The following USP54 variants were observed in gnomAD, a reference collection of about 807,000 sequenced individuals.
The protein encoded by USP54 is ubiquitin specific peptidase 54.
Under a neutral mutation model 170.5 loss-of-function variants are expected in USP54, and 87 were observed. The ratio of observed to expected loss-of-function variants is 0.51; its 90% CI spans 0.43 to 0.61. USP54 has a LOEUF of 0.61. Among genes scored for constraint, USP54 ranks in the 20% least tolerant of loss-of-function variants. USP54 has a pLI of 0.00. For synonymous variants in USP54, 655 were observed against 742.8 expected (o/e 0.88, Z 1.92); for missense variants, 1,786 against 2,047.8 (o/e 0.87, Z 2.47).
upstream of USP54, among the ~76,000 whole-genome samples, chr10:73,591,782 G>A (rs117458837): frequency 5.1e-4 from 78 of 152,120 alleles, no homozygotes; most frequent in Non-Finnish European, 1.0e-3. Context: ...AAAGGAGCAC[G>A]AGAAGACAAC....
At chr10:73,530,076 C>A (rs567049439) in intron 14 of USP54, 67 bp downstream of exon 14, 14 of 1,531,500 alleles carry the variant, frequency 9.1e-6, no homozygotes, top group Admixed American at 2.1e-5. Flanking sequence ...ACCAAAAAAC[C>A]CAGGTTTTAA....
intron 20 of USP54, among the ~76,000 whole-genome samples, chr10:73,510,692 A>G (rs1355988804): frequency 6.6e-6 from 1 of 152,044 alleles, no homozygotes; most frequent in Non-Finnish European, 1.5e-5. Context: ...CAAGTGATCC[A>G]TCCACTTTGG....
chr10:73,520,828 C>T (rs2061777068), intron 18 of USP54, 80 bp downstream of exon 18: 1 of 1,590,330 alleles, frequency 6.3e-7, no homozygotes, highest in Non-Finnish European at 8.6e-7. Context: ...TGTTTTTATC[C>T]TGTCTGAGTG....
At chr10:73,548,139 G>A (rs1205306700) in intron 4 of USP54, among the ~76,000 whole-genome samples, 30 of 152,110 alleles carry the variant, frequency 2.0e-4, no homozygotes, top group East Asian at 3.9e-4. Flanking sequence ...AATGCTCATC[G>A]TCACTGGTCA....
chr10:73,608,613 TG>T (rs1221740248), intron 1 of USP54, among the ~76,000 whole-genome samples: 1 of 152,168 alleles, frequency 6.6e-6, no homozygotes, highest in African/African-American at 2.4e-5. Context: ...TTTAATAATT[TG>T]GCCAGGCTTG....
intron 1 of USP54, among the ~76,000 whole-genome samples, chr10:73,612,485 CA>C (rs1367226629): frequency 1.3e-5 from 2 of 152,014 alleles, no homozygotes; most frequent in African/African-American, 4.8e-5. Flanking sequence ...CACTGATGGT[CA>C]AGAGATTTCC....
intron 3 of USP54, among the ~76,000 whole-genome samples, chr10:73,572,396 G>A (rs1483023412): frequency 6.6e-6 from 1 of 152,120 alleles, no homozygotes; most frequent in Non-Finnish European, 1.5e-5. Flanking sequence ...AGTTAAAAAA[G>A]AAATGATGTA....
At chr10:73,543,469 C>T (rs948086495) in intron 5 of USP54, among the ~76,000 whole-genome samples, 2 of 151,764 alleles carry the variant, frequency 1.3e-5, no homozygotes, top group African/African-American at 2.4e-5. Context: ...CGGGTTCACG[C>T]CATTCTCCTG....
intron 1 of USP54, among the ~76,000 whole-genome samples, chr10:73,582,880 G>T (rs1202076283): frequency 6.6e-6 from 1 of 152,124 alleles, no homozygotes; most frequent in African/African-American, 2.4e-5. Flanking sequence ...GTTTCACAAT[G>T]GAGAAACCCA....
rs184270415 is a variant in USP54 at position 73,505,667 on chromosome 10, G to A, written c.4052-241C>T. ...GGGCAGATCACGAGGTCAGGAGATC[G>A]AGACCACCCTGGCTAACATGGTAAA... On this transcript the variant is annotated intron_variant, in intron 20 of 23. Coordinates refer to ENST00000687698, the MANE Select transcript of USP54 (RefSeq NM_001391956.1). 478 of 313,942 alleles carry A rather than the reference G, an allele frequency of 1.5e-3. 4 individuals are homozygous for A. The highest frequency in any genetic ancestry group is 0.01 in the African/African-American group (459 of 45,590). 19.4% of individuals were successfully genotyped at this position (313,942 alleles called of 1,614,324 possible). A position where few individuals can be genotyped will look rare whatever the true frequency, so the allele number is the denominator to read the frequency against.
upstream of USP54, chr10:73,591,374 G>A (rs929926413): frequency 2.0e-5 from 3 of 152,160 alleles, no homozygotes; most frequent in Non-Finnish European, 4.4e-5. Flanking sequence ...GGAATAGCTA[G>A]AGCTGTGGGG....
At chr10:73,607,421 C>A (rs2079754439) in intron 1 of USP54, among the ~76,000 whole-genome samples, 1 of 151,642 alleles carries the variant, frequency 6.6e-6, no homozygotes, top group Admixed American at 6.6e-5. Context: ...AAATAAAAGT[C>A]TTTAATTATT....
chr10:73,505,759 A>C, intron 20 of USP54: 1 of 174,320 alleles, frequency 5.7e-6, no homozygotes, highest in Admixed American at 6.2e-5. Flanking sequence ...AATCCCAGCT[A>C]CTCGGGAGGC....
chr10:73,543,102 G>A lies in USP54; in HGVS notation c.405C>T (p.His135=). Residue 135 remains histidine (H), a synonymous_variant, in exon 6 of 24, where the codon CAC becomes CAT. Coordinates refer to ENST00000687698, the MANE Select transcript of USP54 (RefSeq NM_001391956.1). ...FENLLMRIHF[H]IADETKEDIC... is the part of the protein sequence containing the mutation. ...TATCCTCTTTGGTTTCATCAGCAAT[G>A]TGGAAGTGAATTCTCATCAGGAGGT... 3 of 1,614,116 alleles carry A rather than the reference G, an allele frequency of 1.9e-6. No individual in the cohort carries two copies. Among genetic ancestry groups the A allele is most frequent in the Non-Finnish European group, 2.5e-6 (3 of 1,179,980 alleles).
intron 3 of USP54, 53 bp downstream of exon 3, chr10:73,575,459 A>G: frequency 6.6e-7 from 1 of 1,515,390 alleles, no homozygotes; most frequent in Non-Finnish European, 8.8e-7. Flanking sequence ...TCAGAAATAC[A>G]GCATCAGCAA....
At chr10:73,535,717 T>C (rs1001064411) in intron 11 of USP54, among the ~76,000 whole-genome samples, 4 of 152,142 alleles carry the variant, frequency 2.6e-5, no homozygotes, top group Admixed American at 2.6e-4. Flanking sequence ...CAAGGAATTT[T>C]TCCCCCCTCC....
At chr10:73,612,285 T>TA (rs1324356362) in intron 1 of USP54, among the ~76,000 whole-genome samples, 1 of 152,146 alleles carries the variant, frequency 6.6e-6, no homozygotes, top group Non-Finnish European at 1.5e-5. Flanking sequence ...CACATAACTG[T>TA]AAAAAACATT....
upstream of USP54, chr10:73,591,496 T>A (rs988835068): frequency 1.3e-5 from 2 of 152,194 alleles, no homozygotes; most frequent in African/African-American, 4.8e-5. Context: ...GCAATTCTTT[T>A]TACCAACTAC....
At chr10:73,542,439 A>G (rs2066820642) in intron 7 of USP54, among the ~76,000 whole-genome samples, 1 of 151,986 alleles carries the variant, frequency 6.6e-6, no homozygotes, top group Admixed American at 6.5e-5. Flanking sequence ...TTAAAGTCCA[A>G]TAGGCCAGGC....
Sources: gnomAD v4.1 joint callset for allele counts (sites outside exome capture counted in the v4.1 genomes callset) on GRCh38, gnomAD v4.1.1 for gene constraint, MANE v1.5 for transcripts, NCBI Gene and HGNC (gene_info 2026-07-23, HGNC 2026-07-21) for gene names.